The following SVOPL variants were observed in gnomAD, a reference collection of about 807,000 sequenced individuals.
SVOPL encodes putative transporter SVOPL.
A neutral mutation model predicts 61.0 loss-of-function variants in SVOPL; 60 were observed. That is an observed-to-expected ratio of 0.98 (90% CI 0.80 to 1.22). The LOEUF (loss-of-function observed/expected upper bound fraction) is 1.22. SVOPL is among the 50% of genes most tolerant of loss of function. SVOPL has a pLI of 0.00. For missense variants in SVOPL, 662 were observed against 643.9 expected (o/e 1.03, Z -0.30); for synonymous variants, 279 against 250.0 (o/e 1.12, Z -1.09).
At chr7:138,623,461 G>A (rs576179124) in intron 13 of SVOPL, among the ~76,000 whole-genome samples, 12 of 152,148 alleles carry the variant, frequency 7.9e-5, no homozygotes, top group Middle Eastern at 3.4e-3. Context: ...TTAGCCGGGC[G>A]TGGTGGCGGG....
At chr7:138,598,111 G>T (rs1386408105) in intron 14 of SVOPL, among the ~76,000 whole-genome samples, 1 of 152,142 alleles carries the variant, frequency 6.6e-6, no homozygotes, top group African/African-American at 2.4e-5. Context: ...AGTAATACCT[G>T]ATTATAAAAA....
intron 4 of SVOPL, chr7:138,664,301 C>T (rs1238723545): frequency 1.9e-5 from 18 of 925,074 alleles, no homozygotes; most frequent in Non-Finnish European, 2.3e-5. Context: ...GCGCCTAACC[C>T]TCCAGCACCC....
chr7:138,628,457 G>A lies in SVOPL; in HGVS notation c.864-94C>T, dbSNP rs531637299. 7.1e-5 allele frequency: 93 copies of A among 1,307,286 alleles called. 2 individuals are homozygous for A. In the South Asian group the frequency reaches 1.2e-3, roughly 17 times the overall value. 81.0% of individuals were successfully genotyped at this position (1,307,286 alleles called of 1,614,324 possible). ...TACCAAGTGGAACGTGTAGCATGTG[G>A]AAAGCAAAGAGAGCAGAAAGCCAGG... is the stretch of plus-strand genomic sequence containing the variant. On this transcript the variant is annotated intron_variant, in intron 10 of 15. Transcript: ENST00000674285.
chr7:138,634,845 G>C (rs1800389686), intron 9 of SVOPL, among the ~76,000 whole-genome samples: 1 of 151,134 alleles, frequency 6.6e-6, no homozygotes, highest in Non-Finnish European at 1.5e-5. Flanking sequence ...TACACCTGTA[G>C]TTCTAGCTAC....
At chr7:138,659,257 C>T (rs571528987) in intron 6 of SVOPL, among the ~76,000 whole-genome samples, 28 of 152,188 alleles carry the variant, frequency 1.8e-4, no homozygotes, top group African/African-American at 6.5e-4. Context: ...TTAGGGAGGC[C>T]AAGGCGGGTG....
At chr7:138,620,900 T>C in intron 14 of SVOPL, 146 bp downstream of exon 14, 1 of 750,480 alleles carries the variant, frequency 1.3e-6, no homozygotes, top group Non-Finnish European at 2.2e-6. Context: ...TCTACCTAAA[T>C]CCACCAAACA....
intron 3 of SVOPL, among the ~76,000 whole-genome samples, chr7:138,675,987 T>G (rs1802549785): frequency 6.6e-6 from 1 of 152,158 alleles, no homozygotes; most frequent in Non-Finnish European, 1.5e-5. Flanking sequence ...TACAGACACA[T>G]GCCACCACAC....
At chr7:138,640,748 C>T (rs1000620100) in intron 9 of SVOPL, among the ~76,000 whole-genome samples, 8 of 152,068 alleles carry the variant, frequency 5.3e-5, no homozygotes, top group Non-Finnish European at 1.2e-4. Flanking sequence ...CAGCAATAGA[C>T]ACTGCAGACT....
At chr7:138,623,556 C>T (rs192608856) in intron 13 of SVOPL, among the ~76,000 whole-genome samples, 9 of 152,002 alleles carry the variant, frequency 5.9e-5, no homozygotes, top group Admixed American at 2.0e-4. Context: ...GCCGAGATCG[C>T]GCCACTGCAC....
intron 4 of SVOPL, among the ~76,000 whole-genome samples, chr7:138,666,321 A>G (rs1802259123): frequency 6.6e-6 from 1 of 152,236 alleles, no homozygotes; most frequent in African/African-American, 2.4e-5. Context: ...GACACTTTCT[A>G]AAGTATTTTA....
intron 4 of SVOPL, chr7:138,664,240 C>G (rs1194030770): frequency 1.0e-6 from 1 of 985,146 alleles, no homozygotes; most frequent in East Asian, 1.1e-4. Context: ...CTCGCGCGCC[C>G]CACCTAGCGC....
At position 138,594,593 on chromosome 7, in the gene SVOPL, C is replaced by T. The variant is rs757957367; in HGVS notation, c.*17G>A. On this transcript the variant is annotated 3_prime_UTR_variant, in exon 16 of 16. Transcript: ENST00000674285. ...GAATTCATTTTTCTCATCTGGTAGA[C>T]ATAGCTTTGCAGGTCTTCATTTAAT... The T allele has an allele frequency of 1.8e-5, 29 of 1,594,498 alleles. No homozygotes were observed. The highest frequency in any genetic ancestry group is 5.3e-5 in the Admixed American group (3 of 56,178).
Position 138,628,179 on chromosome 7 carries a change from T to C in SVOPL, c.1048A>G (p.Ser350Gly), listed in dbSNP as rs762664059. 1.2e-6 allele frequency: 2 copies of C among 1,614,124 alleles called. No individual in the cohort carries two copies. The highest frequency in any genetic ancestry group is 1.7e-6 in the Non-Finnish European group (2 of 1,180,028). ...APSDYRTMII[S>G]TIGEIALNPL... ...TTACAAGCAATTTCACCGATGGTGCTGATGATCATGGTCCGATAGTCAGAG... is the reference window on the plus strand; with the variant it reads ...TTACAAGCAATTTCACCGATGGTGCCGATGATCATGGTCCGATAGTCAGAG... Residue 350 changes from serine to glycine, a missense_variant, in exon 11 of 16, where the codon AGC becomes GGC. By Grantham distance (56) the Ser-to-Gly change is moderately conservative. Coordinates refer to ENST00000674285, the MANE Select transcript of SVOPL (RefSeq NM_001139456.2).
At chr7:138,603,701 T>C (rs575027953) in intron 14 of SVOPL, among the ~76,000 whole-genome samples, 1 of 152,272 alleles carries the variant, frequency 6.6e-6, no homozygotes, top group African/African-American at 2.4e-5. Context: ...CATGAAATTT[T>C]ACTATCTTGC....
intron 13 of SVOPL, among the ~76,000 whole-genome samples, chr7:138,622,090 GTATCTATC>G (rs1206508941): frequency 5.0e-4 from 18 of 35,942 alleles, no homozygotes; most frequent in South Asian, 2.3e-3. Flanking sequence ...ATCTATCTAT[GTATCTATC>G]TATCTATCTA....
chr7:138,602,211 T>C (rs1479977149), intron 14 of SVOPL, among the ~76,000 whole-genome samples: 2 of 151,826 alleles, frequency 1.3e-5, no homozygotes, highest in Non-Finnish European at 2.9e-5. Context: ...AGATCCCATC[T>C]CTTGAAAAAA....
intron 1 of SVOPL, among the ~76,000 whole-genome samples, chr7:138,682,982 A>AAG (rs55773463): frequency 6.7e-6 from 1 of 148,582 alleles, no homozygotes; most frequent in Non-Finnish European, 1.5e-5. Context: ...AAAAAAAAAA[A>AAG]GAAAAAAAAA....
rs34602180 is a variant in SVOPL, at chr7:138,684,364, C to CAAAA, written c.-34-5289_-34-5286dup. Among the ~76,000 whole-genome samples the CAAAA allele has an allele frequency of 6.8e-4, 77 of 112,522 alleles. 1 individual carries two copies. The highest frequency in any genetic ancestry group is 1.7e-3 in the African/African-American group (56 of 32,710). The allele number at this position is 112,522 out of a possible 152,430, so 73.8% of individuals were successfully genotyped here. ...TGGGCAACACAGCAAGACTCCATCT[C>CAAAA]AAAAAAAAAAAAAAAGGAAAAAGGA... On this transcript the variant is annotated intron_variant, in intron 1 of 15. Coordinates refer to ENST00000674285, the MANE Select transcript of SVOPL (RefSeq NM_001139456.2).
chr7:138,673,238 G>A (rs1802475437), intron 3 of SVOPL, among the ~76,000 whole-genome samples: 1 of 152,206 alleles, frequency 6.6e-6, no homozygotes, highest in South Asian at 2.1e-4. Context: ...CAGCGTGTGG[G>A]ACTTTGAAGT....
Sources: gnomAD v4.1 joint callset for allele counts (sites outside exome capture counted in the v4.1 genomes callset) on GRCh38, gnomAD v4.1.1 for gene constraint, MANE v1.5 for transcripts, NCBI Gene and HGNC (gene_info 2026-07-23, HGNC 2026-07-21) for gene names.